The following DUOX1 variants were observed in gnomAD, a reference collection of about 807,000 sequenced individuals.
The protein encoded by DUOX1 is NADPH thyroid oxidase 1.
In DUOX1, 134 loss-of-function variants were observed where a neutral mutation model predicts 181.8. The observed-to-expected ratio is 0.74, with a 90% confidence interval of 0.64 to 0.85. DUOX1 has a LOEUF of 0.85. DUOX1 is among the 40% of genes least tolerant of loss of function. The pLI is 0.00. For synonymous variants in DUOX1, 798 were observed against 832.5 expected (o/e 0.96, Z 0.71); for missense variants, 1,814 against 2,064.4 (o/e 0.88, Z 2.35).
chr15:45,144,911 TG>T lies in DUOX1; in HGVS notation c.2155del (p.Glu719ArgfsTer15). 2 of 1,611,672 alleles carry T rather than the reference TG, an allele frequency of 1.2e-6. No homozygotes were observed. The highest frequency in any genetic ancestry group is 1.7e-6 in the Non-Finnish European group (2 of 1,179,110). ...KEYDLVLLFN[L>X]EEERQALVEN... ...CCCCCTTAGGTGCTGCTGTTTAACT[TG>T]GAGGAAGAGCGGCAGGCGCTGGTGG... On this transcript the variant is annotated frameshift_variant, in exon 18 of 34. Coordinates refer to ENST00000389037, the MANE Select transcript of DUOX1 (RefSeq NM_175940.3). LOFTEE classifies it high-confidence loss of function.
chr15:45,161,121 G>C, intron 29 of DUOX1, 131 bp downstream of exon 29: 1 of 1,393,290 alleles, frequency 7.2e-7, no homozygotes, highest in South Asian at 1.4e-5. Flanking sequence ...AGGGACAAAG[G>C]AGCTGGTAGG....
intron 3 of DUOX1, 34 bp from the exon 4 acceptor site, chr15:45,134,111 A>G (rs1311637044): frequency 1.9e-6 from 3 of 1,541,238 alleles, no homozygotes; most frequent in South Asian, 2.5e-5. Context: ...TGCCCCCTGA[A>G]GATTCATCCT....
In DUOX1 at chr15:45,146,198, G is replaced by A. The variant is rs187352539; in HGVS notation, c.2322+1118G>A. Among the ~76,000 whole-genome samples the A allele has an allele frequency of 8.5e-5, 13 of 152,352 alleles. No homozygotes were observed. The East Asian group carries it at 2.3e-3, about 27-fold the overall frequency. On this transcript the variant is annotated intron_variant, in intron 18 of 33. Coordinates refer to ENST00000389037, the MANE Select transcript of DUOX1 (RefSeq NM_175940.3). ...GGACTAAAAAGAGGGCTCCATGGAA[G>A]AGCAAAGAAATTAATGTTTGAGGAG...
intron 19 of DUOX1, 35 bp from the exon 20 acceptor site, chr15:45,147,869 C>T (rs775661259): frequency 1.5e-5 from 23 of 1,582,600 alleles, no homozygotes; most frequent in Middle Eastern, 1.7e-4. Flanking sequence ...GGCAGGCAGG[C>T]GGGGGCTCTC....
intron 29 of DUOX1, 74 bp from the exon 30 acceptor site, chr15:45,161,664 G>A (rs1277402999): frequency 3.0e-6 from 4 of 1,316,406 alleles, no homozygotes; most frequent in Non-Finnish European, 4.3e-6. Context: ...TGAGGCTGTG[G>A]GTGGGGAGCT....
rs1897193362 is a variant in DUOX1, at chr15:45,165,013, C to A, written c.*112C>A. 6 of 1,275,832 alleles carry A rather than the reference C, an allele frequency of 4.7e-6. No homozygotes were observed. The highest frequency in any genetic ancestry group is 6.7e-6 in the Non-Finnish European group (6 of 901,592). The allele number at this position is 1,275,832 out of a possible 1,614,324, so 79.0% of individuals were successfully genotyped here. A position where few individuals can be genotyped will look rare whatever the true frequency, so the allele number is the denominator to read the frequency against. On this transcript the variant is annotated 3_prime_UTR_variant, in exon 34 of 34. Coordinates refer to ENST00000389037, the MANE Select transcript of DUOX1 (RefSeq NM_175940.3). ...CTCAGCCTTCTCTGATTTCCCACCTCCCAACCTTGTTCCAGGTGGCCATAG... is the reference window on the plus strand; with the variant it reads ...CTCAGCCTTCTCTGATTTCCCACCTACCAACCTTGTTCCAGGTGGCCATAG...
chr15:45,151,705 T>C, intron 23 of DUOX1, 169 bp from the exon 24 acceptor site: 1 of 676,692 alleles, frequency 1.5e-6, no homozygotes, highest in Non-Finnish European at 2.5e-6. Context: ...CAGTGCAATA[T>C]AGCCTGATGC....
At chr15:45,163,437 A>T (rs1023516354) in intron 31 of DUOX1, 95 bp from the exon 32 acceptor site, 18 of 1,543,774 alleles carry the variant, frequency 1.2e-5, no homozygotes, top group South Asian at 6.1e-5. Context: ...GGCACAAGCT[A>T]GCTGTGGTCA....
chr15:45,148,569 A>G, intron 21 of DUOX1, 122 bp downstream of exon 21: 2 of 1,033,970 alleles, frequency 1.9e-6, no homozygotes, highest in Non-Finnish European at 2.7e-6. Flanking sequence ...AAAAAAATGA[A>G]TGTAGTAATA....
chr15:45,155,538 G>A, intron 27 of DUOX1: 1 of 428,074 alleles, frequency 2.3e-6, no homozygotes, highest in Non-Finnish European at 4.2e-6. Context: ...TGCACTCCAG[G>A]GAGCCTGGGT....
rs368324338 is a variant in DUOX1 at position 45,152,413 on chromosome 15, C to T, written c.3321C>T (p.Asn1107=). The T allele has an allele frequency of 6.2e-7, 1 of 1,614,230 alleles. No individual in the cohort carries two copies. The highest frequency in any genetic ancestry group is 8.5e-7 in the Non-Finnish European group (1 of 1,180,036). Residue 1107 remains asparagine, a synonymous_variant, in exon 25 of 34, where the codon AAC becomes AAT. Coordinates refer to ENST00000389037, the MANE Select transcript of DUOX1 (RefSeq NM_175940.3). ...FSYILLTMCR[N]LITFLRETFL... The stretch of plus-strand genomic sequence containing the variant: ...ACATCTTGCTCACCATGTGCCGCAA[C>T]CTCATCACCTTCCTGCGAGAAACCT...
At chr15:45,157,347 T>TG (rs1167504133) in intron 28 of DUOX1, among the ~76,000 whole-genome samples, 2 of 152,118 alleles carry the variant, frequency 1.3e-5, no homozygotes, top group Non-Finnish European at 2.9e-5. Flanking sequence ...CTGCTTCTGT[T>TG]GGGGGTGGAA....
At chr15:45,152,094 C>A in intron 24 of DUOX1, 42 bp downstream of exon 24, 1 of 1,600,442 alleles carries the variant, frequency 6.2e-7, no homozygotes, top group Non-Finnish European at 8.5e-7. Context: ...CCTAGGCTTG[C>A]AATGAGTGAT....
rs760243979 is a variant in DUOX1, at chr15:45,135,575, G to C, written c.597G>C (p.Ser199=). ...GCTTCTCCAGGGGACAGCTGGCGTC[G>C]GGGCCCGACCCCGCTTTTCCCCGAG... ...LRSFSRGQLA[S]GPDPAFPRDS... Residue 199 remains serine, a synonymous_variant, in exon 6 of 34, where the codon TCG becomes TCC. Transcript: ENST00000389037. The C allele has an allele frequency of 2.6e-6, 4 of 1,561,042 alleles. No homozygotes were observed. The highest frequency in any genetic ancestry group is 1.4e-5 in the African/African-American group (1 of 73,788).
intron 26 of DUOX1, 49 bp downstream of exon 26, chr15:45,153,528 G>GTAA: frequency 2.5e-5 from 22 of 875,990 alleles, no homozygotes; most frequent in African/African-American, 4.4e-5. Flanking sequence ...GTGTGTGTGT[G>GTAA]TGTGTGTGTG....
intron 7 of DUOX1, 132 bp downstream of exon 7, chr15:45,136,080 G>A (rs1896305292): frequency 5.9e-6 from 9 of 1,524,200 alleles, no homozygotes; most frequent in East Asian, 2.4e-5. Flanking sequence ...CGAGGTCCAG[G>A]GAAGCCCCTG....
At chr15:45,138,876 C>G in intron 10 of DUOX1, 190 bp from the exon 11 acceptor site, 1 of 595,900 alleles carries the variant, frequency 1.7e-6, no homozygotes, top group South Asian at 2.1e-5. Flanking sequence ...TCAGGCAGCA[C>G]TGACAGAGGG....
Position 45,163,671 on chromosome 15 carries a change from T to G in DUOX1, c.4388T>G (p.Leu1463Arg). Reference protein sequence around the residue: ...YITQLAEKFDLRTTMLYICER... With the variant: ...YITQLAEKFDRRTTMLYICER... Reference sequence around the variant, plus strand: ...ACCCAGCTGGCTGAGAAGTTCGACCTCAGGACCACTATGCTGGTATGTCAG... The same window carrying G: ...ACCCAGCTGGCTGAGAAGTTCGACCGCAGGACCACTATGCTGGTATGTCAG... Residue 1463 changes from leucine (L) to arginine (R), a missense_variant, in exon 32 of 34, where the codon CTC becomes CGC. By Grantham distance (102) the Leu-to-Arg change is moderately radical. This residue lies in a region of DUOX1 where 124 missense variants were observed against 125.7 expected (regional missense o/e 0.99). Coordinates refer to ENST00000389037, the MANE Select transcript of DUOX1 (RefSeq NM_175940.3). 6.2e-7 allele frequency: 1 copy of G among 1,614,034 alleles called. No homozygotes were observed. The highest frequency in any genetic ancestry group is 1.3e-5 in the African/African-American group (1 of 74,984).
chr15:45,136,910 A>C (rs898401871), intron 9 of DUOX1, among the ~76,000 whole-genome samples: 7 of 152,190 alleles, frequency 4.6e-5, no homozygotes, highest in Non-Finnish European at 1.0e-4. Context: ...CACTGGTCTA[A>C]ACCTCATGTC....
Sources: gnomAD v4.1 joint callset for allele counts (sites outside exome capture counted in the v4.1 genomes callset) on GRCh38, gnomAD v4.1.1 for gene constraint, gnomAD v4.1.1 regional missense constraint, MANE v1.5 for transcripts, NCBI Gene and HGNC (gene_info 2026-07-23, HGNC 2026-07-21) for gene names.